RTN4RL1: variants seen among roughly 807,000 people sequenced by gnomAD.
RTN4RL1 encodes the protein reticulon-4 receptor-like 1.
RTN4RL1 carries 7 observed loss-of-function variants against 25.6 expected under a neutral mutation model. The ratio of observed to expected loss-of-function variants is 0.27; its 90% CI spans 0.16 to 0.51. The LOEUF (loss-of-function observed/expected upper bound fraction) is 0.51, where lower values mean the gene tolerates loss of function less well. RTN4RL1 is among the 20% of genes least tolerant of loss of function. RTN4RL1 has a pLI of 0.97. For missense variants in RTN4RL1, 500 were observed against 615.6 expected (o/e 0.81, Z 1.99); for synonymous variants, 297 against 288.2 (o/e 1.03, Z -0.31).
intron 1 of RTN4RL1, among the ~76,000 whole-genome samples, chr17:1,961,999 A>AT (rs1430530973): frequency 1.4e-5 from 2 of 147,808 alleles, no homozygotes; most frequent in Non-Finnish European, 3.0e-5. Context: ...AAAGAAAAGC[A>AT]GGCCGGGCGT....
chr17:1,967,417 T>C (rs537066519), intron 1 of RTN4RL1, among the ~76,000 whole-genome samples: 3 of 152,154 alleles, frequency 2.0e-5, no homozygotes, highest in East Asian at 3.9e-4. Flanking sequence ...GCCGTCTGTC[T>C]GTAGACTCAG....
At position 1,935,981 on chromosome 17, in the gene RTN4RL1, G is replaced by A; in HGVS notation, c.*515C>T. ...GAGGGGCTGAAGGTGGAGTAGGATA[G>A]AATTCAGGGCAGGGTGACTGGCCTC... On this transcript the variant is annotated 3_prime_UTR_variant, in exon 2 of 2. Transcript: ENST00000331238. 2.0e-6 allele frequency: 2 copies of A among 986,550 alleles called. No individual in the cohort carries two copies. Among genetic ancestry groups the A allele is most frequent in the Non-Finnish European group, 2.4e-6 (2 of 830,540 alleles). The allele number at this position is 986,550 out of a possible 1,614,324, so 61.1% of individuals were successfully genotyped here. A position where few individuals can be genotyped will look rare whatever the true frequency, so the allele number is the denominator to read the frequency against.
chr17:1,976,877 G>A lies in RTN4RL1; in HGVS notation c.14-39069C>T, dbSNP rs547966692. 1.9e-4 allele frequency among the ~76,000 whole-genome samples: 29 copies of A among 152,296 alleles called. No individual in the cohort carries two copies. The South Asian group carries it at 2.3e-3, about 12-fold the overall frequency. ...CTTGGCCAAAGCCCTTAGCTTCTCT[G>A]AACCTCAGCGTCTGTATCTGTGAAA... On this transcript the variant is annotated intron_variant, in intron 1 of 1. Transcript: ENST00000331238.
At chr17:1,961,576 T>C (rs2151310079) in intron 1 of RTN4RL1, among the ~76,000 whole-genome samples, 1 of 151,982 alleles carries the variant, frequency 6.6e-6, no homozygotes, top group East Asian at 1.9e-4. Flanking sequence ...TGTTCGTTTC[T>C]TCTTCCCTCC....
chr17:1,971,064 A>C (rs2066816512), intron 1 of RTN4RL1, among the ~76,000 whole-genome samples: 1 of 152,200 alleles, frequency 6.6e-6, no homozygotes, highest in African/African-American at 2.4e-5. Flanking sequence ...CCTGCAAGGT[A>C]GATGCTACTC....
At position 1,998,388 on chromosome 17, in the gene RTN4RL1, ACCGCGCGGGGAGCCGCGG is replaced by A. The variant is rs2066939767; in HGVS notation, c.13+26447_13+26464del. Among the ~76,000 whole-genome samples, 2 of 151,894 alleles carry A rather than the reference ACCGCGCGGGGAGCCGCGG, an allele frequency of 1.3e-5. No homozygotes were observed. The highest frequency in any genetic ancestry group is 4.2e-4 in the South Asian group (2 of 4,810). On this transcript the variant is annotated intron_variant, in intron 1 of 1. Coordinates refer to ENST00000331238, the MANE Select transcript of RTN4RL1 (RefSeq NM_178568.4). This position sits in a 1 kb window ranked among gnomAD's most constrained non-coding sequence, Gnocchi z 4.9. Reference sequence around the variant, plus strand: ...GGGCCCGCGCTGAGAGATCGGGGTTACCGCGCGGGGAGCCGCGGCCGCGCTGGGATCCGTTCCCTCTCG... The same window carrying A: ...GGGCCCGCGCTGAGAGATCGGGGTTACCGCGCTGGGATCCGTTCCCTCTCG...
chr17:1,977,887 T>TGCACCCC (rs1358641868), intron 1 of RTN4RL1, among the ~76,000 whole-genome samples: 1 of 151,116 alleles, frequency 6.6e-6, no homozygotes, highest in African/African-American at 2.4e-5. Flanking sequence ...TCCTGCATCC[T>TGCACCCC]GCACCCCGCA....
chr17:1,990,091 T>TA (rs397765014), intron 1 of RTN4RL1, among the ~76,000 whole-genome samples: 1 of 151,836 alleles, frequency 6.6e-6, no homozygotes, highest in African/African-American at 2.4e-5. Flanking sequence ...AACTTTTTTT[T>TA]AATTATCAAG....
At chr17:2,005,857 C>T (rs190115021) in intron 1 of RTN4RL1, among the ~76,000 whole-genome samples, 96 of 149,452 alleles carry the variant, frequency 6.4e-4, no homozygotes, top group Middle Eastern at 3.5e-3. Context: ...AGTGCAGTGG[C>T]GCAATCTCGG....
At chr17:1,987,348 G>C (rs1047210415) in intron 1 of RTN4RL1, among the ~76,000 whole-genome samples, 1 of 152,152 alleles carries the variant, frequency 6.6e-6, no homozygotes, top group African/African-American at 2.4e-5. Flanking sequence ...TTTCGTTCAA[G>C]CCTGTGGGGG....
At chr17:1,971,940 C>A (rs1319878018) in intron 1 of RTN4RL1, among the ~76,000 whole-genome samples, 14 of 122,534 alleles carry the variant, frequency 1.1e-4, no homozygotes, top group Non-Finnish European at 2.0e-4. Context: ...CCAGCCTGGG[C>A]GACAGAGCCA....
At chr17:1,973,258 G>C (rs1394696894) in intron 1 of RTN4RL1, among the ~76,000 whole-genome samples, 1 of 151,898 alleles carries the variant, frequency 6.6e-6, no homozygotes, top group East Asian at 1.9e-4. Context: ...CCAGCTTCTT[G>C]GGAGGCTGAG....
intron 1 of RTN4RL1, among the ~76,000 whole-genome samples, chr17:1,943,886 G>A (rs968461412): frequency 6.6e-6 from 1 of 151,856 alleles, no homozygotes; most frequent in Admixed American, 6.6e-5. Flanking sequence ...ATAGGGCATT[G>A]GAAAGAGCAC....
chr17:1,939,801 C>T lies in RTN4RL1; in HGVS notation c.14-1993G>A, dbSNP rs555613378. ...GCCCCAGGCGGCCAGGCAGGCGCGC[C>T]GAGGTTGGGGGGCCGGCTCCAGGCC... is the stretch of plus-strand genomic sequence containing the variant. On this transcript the variant is annotated intron_variant, in intron 1 of 1. Coordinates refer to ENST00000331238, the MANE Select transcript of RTN4RL1 (RefSeq NM_178568.4). 6.6e-5 allele frequency among the ~76,000 whole-genome samples: 10 copies of T among 152,322 alleles called. No individual in the cohort carries two copies. In the South Asian group the frequency reaches 8.3e-4, roughly 13 times the overall value.
intron 1 of RTN4RL1, among the ~76,000 whole-genome samples, chr17:1,947,675 T>C (rs1246609376): frequency 6.6e-6 from 1 of 152,202 alleles, no homozygotes; most frequent in Non-Finnish European, 1.5e-5. Context: ...CGCCACATTC[T>C]CAGGGGGCCT....
At position 2,010,882 on chromosome 17, in the gene RTN4RL1, C is replaced by T. The variant is rs570663488; in HGVS notation, c.13+13971G>A. On this transcript the variant is annotated intron_variant, in intron 1 of 1. Coordinates refer to ENST00000331238, the MANE Select transcript of RTN4RL1 (RefSeq NM_178568.4). Reference sequence around the variant, plus strand: ...GATCACAGGTGTGAGCCACCATGCTCGGTGCCTTGGATTTTATTCATCGCT... The same window carrying T: ...GATCACAGGTGTGAGCCACCATGCTTGGTGCCTTGGATTTTATTCATCGCT... 5.3e-5 allele frequency among the ~76,000 whole-genome samples: 8 copies of T among 152,312 alleles called. No individual in the cohort carries two copies. The South Asian group carries it at 6.2e-4, about 12-fold the overall frequency.
intron 1 of RTN4RL1, among the ~76,000 whole-genome samples, chr17:2,007,687 TG>T (rs1266274812): frequency 6.6e-6 from 1 of 152,206 alleles, no homozygotes. Flanking sequence ...GGCTCACGCC[TG>T]TAATCCCAGC....
intron 1 of RTN4RL1, chr17:2,019,126 G>C (rs976638908): frequency 6.6e-6 from 1 of 152,124 alleles, no homozygotes; most frequent in South Asian, 2.1e-4. Context: ...CAGGCCTTGG[G>C]GGGGGCCCTC....
intron 1 of RTN4RL1, among the ~76,000 whole-genome samples, chr17:1,991,735 C>T (rs540500718): frequency 3.3e-5 from 5 of 152,310 alleles, no homozygotes; most frequent in African/African-American, 9.6e-5. Context: ...TTCCTCGCAG[C>T]GGAAAATCCC....
Sources: allele counts gnomAD v4.1 joint callset (sites outside exome capture counted in the v4.1 genomes callset), GRCh38; gene constraint gnomAD v4.1.1; non-coding constraint Gnocchi (gnomAD v3.1); transcripts MANE v1.5; gene names NCBI Gene and HGNC (gene_info 2026-07-23, HGNC 2026-07-21).